SUMF1: variants seen among roughly 807,000 people sequenced by gnomAD.
The protein encoded by SUMF1 is formylglycine-generating enzyme.
Under a neutral mutation model 47.6 loss-of-function variants are expected in SUMF1, and 48 were observed. That is an observed-to-expected ratio of 1.01 (90% confidence interval 0.80 to 1.28). The LOEUF (loss-of-function observed/expected upper bound fraction) is 1.28. SUMF1 is among the 50% of genes most tolerant of loss of function. The pLI is 0.00. For missense variants in SUMF1, 571 were observed against 485.4 expected (o/e 1.18, Z -1.66); for synonymous variants, 230 against 192.1 (o/e 1.20, Z -1.63).
intron 8 of SUMF1, among the ~76,000 whole-genome samples, chr3:4,212,688 T>G (rs757372989): frequency 3.3e-5 from 5 of 152,158 alleles, no homozygotes; most frequent in African/African-American, 4.8e-5. Context: ...AATTGTTAAC[T>G]AGAATAACCA....
chr3:4,320,300 A>G (rs560990902), intron 8 of SUMF1, among the ~76,000 whole-genome samples: 31 of 152,312 alleles, frequency 2.0e-4, no homozygotes, highest in Admixed American at 9.8e-4. Flanking sequence ...TTGTAAGACT[A>G]AAGGCAAAAG....
At chr3:4,283,508 A>T (rs1287982021) in intron 8 of SUMF1, among the ~76,000 whole-genome samples, 4 of 152,196 alleles carry the variant, frequency 2.6e-5, no homozygotes, top group African/African-American at 9.6e-5. Flanking sequence ...TAAAATTCAA[A>T]TAAGAGCAAA....
intron 8 of SUMF1, among the ~76,000 whole-genome samples, chr3:4,105,495 A>G (rs1005417917): frequency 1.3e-5 from 2 of 152,258 alleles, no homozygotes; most frequent in Admixed American, 6.5e-5. Context: ...ACATTTTGGA[A>G]GAAGGAACAT....
At chr3:4,438,721 A>C (rs1180421684) in intron 3 of SUMF1, among the ~76,000 whole-genome samples, 6 of 152,192 alleles carry the variant, frequency 3.9e-5, no homozygotes, top group Non-Finnish European at 8.8e-5. Flanking sequence ...GATTTTAACA[A>C]CACTCTCAGC....
At chr3:4,194,140 A>C (rs1347974232) in intron 8 of SUMF1, among the ~76,000 whole-genome samples, 3 of 152,156 alleles carry the variant, frequency 2.0e-5, no homozygotes, top group African/African-American at 7.2e-5. Context: ...ACTTATAGAT[A>C]CTGAGCACTT....
intron 8 of SUMF1, among the ~76,000 whole-genome samples, chr3:4,075,729 C>T (rs1270788583): frequency 6.6e-6 from 1 of 152,000 alleles, no homozygotes; most frequent in African/African-American, 2.4e-5. Flanking sequence ...GAGTGAACTC[C>T]CATTCACAAT....
At chr3:4,199,353 G>C (rs1022806968) in intron 8 of SUMF1, among the ~76,000 whole-genome samples, 5 of 152,054 alleles carry the variant, frequency 3.3e-5, no homozygotes, top group African/African-American at 9.7e-5. Context: ...CCATTACTTA[G>C]ACCACATTTT....
chr3:4,384,502 T>C (rs1183251652), intron 7 of SUMF1, among the ~76,000 whole-genome samples: 1 of 152,180 alleles, frequency 6.6e-6, no homozygotes, highest in African/African-American at 2.4e-5. Context: ...TCTTAACCCC[T>C]GGAAAACACT....
At chr3:4,310,297 T>C (rs1034865917) in intron 8 of SUMF1, among the ~76,000 whole-genome samples, 1 of 152,216 alleles carries the variant, frequency 6.6e-6, no homozygotes, top group African/African-American at 2.4e-5. Context: ...AATATGTAAA[T>C]ACCTGAAAAG....
At chr3:4,037,831 T>C (rs1336823644) in intron 9 of SUMF1, among the ~76,000 whole-genome samples, 3 of 152,212 alleles carry the variant, frequency 2.0e-5, no homozygotes, top group African/African-American at 7.2e-5. Context: ...AGTAGACTTC[T>C]TTTCTGGATG....
rs3048141 is a variant in SUMF1, at chr3:4,036,617, T to TAAA, written c.1191+31949_1191+31951dup. 2.8e-3 allele frequency among the ~76,000 whole-genome samples: 399 copies of TAAA among 143,356 alleles called. 5 individuals are homozygous for TAAA. In the South Asian group the frequency reaches 0.041, roughly 15 times the overall value. The allele number at this position is 143,356 out of a possible 152,430, so 94.0% of individuals were successfully genotyped here. On this transcript the variant is annotated intron_variant and NMD_transcript_variant, in intron 9 of 12. Coordinates refer to the SUMF1 transcript ENST00000448413. The stretch of plus-strand genomic sequence containing the variant: ...CTATGATCCTCAGAAATGAATCCAT[T>TAAA]AAAAAAAAAAAAACAGAGCTGGTCA...
chr3:4,070,724 C>T (rs1695501473), intron 8 of SUMF1, among the ~76,000 whole-genome samples: 1 of 152,092 alleles, frequency 6.6e-6, no homozygotes, highest in Non-Finnish European at 1.5e-5. Context: ...CAAGCTCCAC[C>T]TCCTGGGTTC....
At chr3:4,404,640 C>G (rs1254116434) in intron 7 of SUMF1, among the ~76,000 whole-genome samples, 4 of 152,000 alleles carry the variant, frequency 2.6e-5, no homozygotes, top group Admixed American at 2.6e-4. Context: ...GGCACATGCC[C>G]GTAATCCCAG....
chr3:4,441,847 A>C (rs1310577102), intron 3 of SUMF1, among the ~76,000 whole-genome samples: 2 of 152,250 alleles, frequency 1.3e-5, no homozygotes, highest in Admixed American at 6.5e-5. Context: ...CAACAGCATC[A>C]GCAAAGCTTT....
At chr3:4,040,392 T>C (rs1694887748) in intron 9 of SUMF1, among the ~76,000 whole-genome samples, 1 of 152,192 alleles carries the variant, frequency 6.6e-6, no homozygotes, top group Non-Finnish European at 1.5e-5. Context: ...TTCTTCCCCA[T>C]GTCTCCCTAC....
intron 9 of SUMF1, among the ~76,000 whole-genome samples, chr3:4,068,016 A>C (rs795734): frequency 0.36 from 54,513 of 152,072 alleles, 10,125 homozygotes; most frequent in Admixed American, 0.47. Context: ...AGCTGAGGTT[A>C]AAATCTTCCA....
At chr3:4,434,936 AAATTTTCTTGAGACAC>A (rs1559297832) in intron 3 of SUMF1, among the ~76,000 whole-genome samples, 1 of 152,102 alleles carries the variant, frequency 6.6e-6, no homozygotes, top group Non-Finnish European at 1.5e-5. Flanking sequence ...TTTATTTTTT[AAATTTTCTTGAGACAC>A]ACTTTCACTC....
At chr3:4,186,476 G>C (rs566750369) in intron 8 of SUMF1, among the ~76,000 whole-genome samples, 1 of 151,960 alleles carries the variant, frequency 6.6e-6, no homozygotes, top group Non-Finnish European at 1.5e-5. Flanking sequence ...TATGTTGCTT[G>C]GTAAGAAATA....
At chr3:4,261,449 G>A (rs1697083355) in intron 8 of SUMF1, among the ~76,000 whole-genome samples, 1 of 152,150 alleles carries the variant, frequency 6.6e-6, no homozygotes, top group Admixed American at 6.5e-5. Context: ...CTGTCTAACT[G>A]GGAACTGAAT....
Sources: gnomAD v4.1 joint callset for allele counts (sites outside exome capture counted in the v4.1 genomes callset) on GRCh38, gnomAD v4.1.1 for gene constraint, MANE v1.5 for transcripts, NCBI Gene and HGNC (gene_info 2026-07-23, HGNC 2026-07-21) for gene names.